PCYT1B: variants seen among roughly 807,000 people sequenced by gnomAD.
PCYT1B encodes the protein choline-phosphate cytidylyltransferase B.
PCYT1B carries 10 observed loss-of-function variants against 26.4 expected under a neutral mutation model. That is an observed-to-expected ratio of 0.38 (90% confidence interval 0.23 to 0.64). The LOEUF is 0.64. Ranked by LOEUF, PCYT1B falls within the 30% of genes least tolerant of loss-of-function variation. The pLI is 0.56. For synonymous variants in PCYT1B, 131 were observed against 108.4 expected (o/e 1.21, Z -1.29); for missense variants, 161 against 292.7 (o/e 0.55, Z 3.28).
intron 1 of PCYT1B, among the ~76,000 whole-genome samples, chrX:24,646,606 G>A (rs1455211576): frequency 1.8e-5 from 2 of 111,123 alleles, no homozygotes; most frequent in Non-Finnish European, 3.8e-5. Context: ...GCATTCCTTA[G>A]CTAGAATTTA....
At chrX:24,593,403 CCTTT>C (rs1365373372) in intron 3 of PCYT1B, among the ~76,000 whole-genome samples, 28 of 83,634 alleles carry the variant, frequency 3.3e-4, no homozygotes, top group African/African-American at 1.1e-3. Flanking sequence ...TCCTTCTTTC[CCTTT>C]CTTTCTTTCT....
chrX:24,622,848 G>A (rs1024959862), intron 1 of PCYT1B, among the ~76,000 whole-genome samples: 2 of 111,674 alleles, frequency 1.8e-5, no homozygotes, highest in South Asian at 7.5e-4. Context: ...ACCTCGAAAA[G>A]GGGATACATG....
chrX:24,653,235 T>A (rs1034974127), intron 1 of PCYT1B, among the ~76,000 whole-genome samples: 6 of 111,664 alleles, frequency 5.4e-5, no homozygotes, highest in African/African-American at 2.0e-4. Flanking sequence ...TTGGAGGAGA[T>A]GCTGTCTGAA....
chrX:24,572,604 T>C (rs1274294170), intron 7 of PCYT1B, among the ~76,000 whole-genome samples: 4 of 111,737 alleles, frequency 3.6e-5, no homozygotes, highest in Non-Finnish European at 7.5e-5. Context: ...AAGGAATTAT[T>C]ATAATAATAG....
intron 5 of PCYT1B, among the ~76,000 whole-genome samples, chrX:24,585,183 G>T (rs1924330125): frequency 9.0e-6 from 1 of 111,333 alleles, no homozygotes; most frequent in African/African-American, 3.3e-5. Flanking sequence ...TCTGTCCCTT[G>T]CTCTGACTCA....
intron 1 of PCYT1B, chrX:24,672,522 C>T: frequency 2.0e-6 from 2 of 1,023,056 alleles, no homozygotes; most frequent in Admixed American, 2.2e-5. Flanking sequence ...TTTGAACTGA[C>T]TTTGATATTC....
intron 2 of PCYT1B, among the ~76,000 whole-genome samples, chrX:24,613,737 G>A (rs1301778802): frequency 1.1e-4 from 12 of 109,830 alleles, no homozygotes; most frequent in East Asian, 2.9e-4. Flanking sequence ...TAGATGGCTC[G>A]AGCCCAGGAG....
At position 24,562,095 on chromosome X, in the gene PCYT1B, C is replaced by G; in HGVS notation, c.*198G>C. The G allele has an allele frequency of 1.7e-6, 2 of 1,210,785 alleles. No individual in the cohort carries two copies. The highest frequency in any genetic ancestry group is 2.2e-6 in the Non-Finnish European group (2 of 894,745). On this transcript the variant is annotated 3_prime_UTR_variant, in exon 8 of 8. Transcript: ENST00000379144. Reference sequence around the variant, plus strand: ...GTGTAGGTTGTCCAGCTAGAAGTCTCTGCACCTCGCCCAACTCTTCAGCTG... The same window carrying G: ...GTGTAGGTTGTCCAGCTAGAAGTCTGTGCACCTCGCCCAACTCTTCAGCTG...
chrX:24,654,096 CTTTCTTTTT>C (rs1481632889), intron 1 of PCYT1B, among the ~76,000 whole-genome samples: 3 of 30,451 alleles, frequency 9.9e-5, no homozygotes, highest in African/African-American at 1.6e-4. Context: ...TTCTTTCTTT[CTTTCTTTTT>C]TTTTTTTTTT....
chrX:24,624,297 G>A (rs1227966566), intron 1 of PCYT1B, among the ~76,000 whole-genome samples: 1 of 111,524 alleles, frequency 9.0e-6, no homozygotes, highest in African/African-American at 3.3e-5. Context: ...CTCCAGTGGG[G>A]CAATCCCGTC....
chrX:24,598,831 T>C lies in PCYT1B; in HGVS notation c.335-8657A>G, dbSNP rs181590923. Reference sequence around the variant, plus strand: ...TTGAATTGAAAAGACATTTTCTTGGTTTGTAGGTTTTTAGTAGGTTTGACA... The same window carrying C: ...TTGAATTGAAAAGACATTTTCTTGGCTTGTAGGTTTTTAGTAGGTTTGACA... On this transcript the variant is annotated intron_variant, in intron 3 of 7. Transcript: ENST00000379144. Among the ~76,000 whole-genome samples, 666 of 111,977 alleles carry C rather than the reference T, an allele frequency of 5.9e-3. 1 individual carries two copies. Among genetic ancestry groups the C allele is most frequent in the Non-Finnish European group, 0.011 (565 of 53,115 alleles).
At chrX:24,632,383 A>T in intron 1 of PCYT1B, 1 of 155,032 alleles carries the variant, frequency 6.5e-6, no homozygotes, top group Non-Finnish European at 1.4e-5. Context: ...CAAGGTATTG[A>T]AGCAGGTCCA....
At chrX:24,639,409 G>C (rs762437000) in intron 1 of PCYT1B, among the ~76,000 whole-genome samples, 1 of 112,076 alleles carries the variant, frequency 8.9e-6, no homozygotes, top group African/African-American at 3.2e-5. Flanking sequence ...TCCTTTCACC[G>C]TGGGCTAGTT....
chrX:24,647,386 G>C (rs1416849018), upstream of PCYT1B: 5 of 642,822 alleles, frequency 7.8e-6, no homozygotes, highest in Non-Finnish European at 1.0e-5. Context: ...CATTTGCATA[G>C]AGCGCGCTGG....
intron 7 of PCYT1B, among the ~76,000 whole-genome samples, chrX:24,570,087 T>C (rs1923772924): frequency 9.9e-6 from 1 of 100,608 alleles, no homozygotes; most frequent in Non-Finnish European, 2.0e-5. Flanking sequence ...CTCGGGAGGC[T>C]GAGACAGGAG....
At chrX:24,620,002 A>T (rs1925651029) in intron 1 of PCYT1B, among the ~76,000 whole-genome samples, 1 of 112,865 alleles carries the variant, frequency 8.9e-6, no homozygotes, top group Non-Finnish European at 1.9e-5. Flanking sequence ...CCGTGATTGC[A>T]GTCACCACTA....
chrX:24,645,727 C>T (rs1475064149), intron 1 of PCYT1B, among the ~76,000 whole-genome samples: 1 of 111,398 alleles, frequency 9.0e-6, no homozygotes. Context: ...GGCTAAAGTG[C>T]TAGGGCACAG....
In PCYT1B at chrX:24,645,393, C is replaced by T. The variant is rs747218180; in HGVS notation, c.117+1596G>A. 2.7e-4 allele frequency among the ~76,000 whole-genome samples: 29 copies of T among 108,437 alleles called. No individual in the cohort carries two copies. The South Asian group carries it at 7.6e-3, about 28-fold the overall frequency. 94.2% of individuals were successfully genotyped at this position (108,437 alleles called of 115,157 possible). On this transcript the variant is annotated intron_variant, in intron 1 of 7. Coordinates refer to ENST00000379144, the MANE Select transcript of PCYT1B (RefSeq NM_004845.5). ...GTGTGTATATACATATATATATATA[C>T]ACACATATATATATTGGTCCAGTGC...
chrX:24,665,787 C>T (rs1927115371), intron 1 of PCYT1B, among the ~76,000 whole-genome samples: 1 of 110,806 alleles, frequency 9.0e-6, no homozygotes. Context: ...CATTTGCCAC[C>T]CTAAGGTAAG....
Sources: allele counts gnomAD v4.1 joint callset (sites outside exome capture counted in the v4.1 genomes callset), GRCh38; gene constraint gnomAD v4.1.1; transcripts MANE v1.5; gene names NCBI Gene and HGNC (gene_info 2026-07-23, HGNC 2026-07-21).